The following TTC28 variants were observed in gnomAD, a reference collection of about 807,000 sequenced individuals.
TTC28 encodes the protein tetratricopeptide repeat protein 28.
In TTC28, 61 loss-of-function variants were observed where a neutral mutation model predicts 198.0. The observed-to-expected ratio is 0.31, with a 90% CI of 0.25 to 0.38. The LOEUF is 0.38. TTC28 is among the 10% of genes least tolerant of loss of function. The probability of loss-of-function intolerance (pLI) is 1.00; values close to 1 mark genes in which losing one functional copy is unlikely to be tolerated. For synonymous variants in TTC28, 1,171 were observed against 1,297.8 expected (o/e 0.90, Z 2.10); for missense variants, 2,678 against 3,164.0 (o/e 0.85, Z 3.69).
intron 5 of TTC28, among the ~76,000 whole-genome samples, chr22:28,172,063 T>G (rs1446090529): frequency 6.6e-6 from 1 of 152,164 alleles, no homozygotes; most frequent in Non-Finnish European, 1.5e-5. Context: ...CCTTATTCTT[T>G]GTGGGTTCTT....
chr22:28,258,902 A>AGTGTGT (rs34572491), intron 5 of TTC28, among the ~76,000 whole-genome samples: 2,225 of 147,810 alleles, frequency 0.015, 31 homozygotes, highest in African/African-American at 0.04. Flanking sequence ...TTGGTTAAAG[A>AGTGTGT]GTGTGTGTGT....
chr22:28,051,811 T>C lies in TTC28; in HGVS notation c.3933-21445A>G, dbSNP rs539571989. ...AGTAAACTCCATGGCTTCGAAGCCA[T>C]GATTATACCCTACCACCCATCGTCC... On this transcript the variant is annotated intron_variant, in intron 12 of 22. Transcript: ENST00000397906. Among the ~76,000 whole-genome samples the C allele has an allele frequency of 3.3e-5, 5 of 152,230 alleles. No individual in the cohort carries two copies. In the East Asian group the frequency reaches 9.7e-4, roughly 29 times the overall value.
intron 2 of TTC28, among the ~76,000 whole-genome samples, chr22:28,424,563 T>C (rs2047317243): frequency 6.6e-6 from 1 of 152,220 alleles, no homozygotes; most frequent in South Asian, 2.1e-4. Flanking sequence ...AGTATAAATA[T>C]AATAACAGCT....
intron 2 of TTC28, among the ~76,000 whole-genome samples, chr22:28,320,704 T>C (rs1478865201): frequency 6.6e-6 from 1 of 152,200 alleles, no homozygotes; most frequent in Non-Finnish European, 1.5e-5. Flanking sequence ...TGATTCTAAA[T>C]GTACCAAAAG....
chr22:28,422,735 G>A (rs199959406), intron 2 of TTC28, among the ~76,000 whole-genome samples: 19 of 152,006 alleles, frequency 1.2e-4, no homozygotes, highest in African/African-American at 2.4e-4. Flanking sequence ...GTGAGCCACC[G>A]CACCCAGCCA....
At chr22:28,138,773 T>G (rs897700061) in intron 6 of TTC28, among the ~76,000 whole-genome samples, 1 of 152,112 alleles carries the variant, frequency 6.6e-6, no homozygotes, top group Non-Finnish European at 1.5e-5. Flanking sequence ...CAGCGTTTCC[T>G]CTCCAAAACA....
chr22:28,533,136 A>G (rs2145905376), intron 2 of TTC28, among the ~76,000 whole-genome samples: 1 of 152,352 alleles, frequency 6.6e-6, no homozygotes, highest in East Asian at 1.9e-4. Flanking sequence ...TGTAGATGAC[A>G]TGGTTGTATA....
intron 1 of TTC28, among the ~76,000 whole-genome samples, chr22:28,652,198 A>G (rs968164688): frequency 6.6e-6 from 1 of 152,224 alleles, no homozygotes; most frequent in African/African-American, 2.4e-5. Flanking sequence ...GTATCTATAC[A>G]TATTTTAAAA....
intron 5 of TTC28, among the ~76,000 whole-genome samples, chr22:28,242,171 C>T (rs1033500554): frequency 6.6e-6 from 1 of 152,220 alleles, no homozygotes; most frequent in East Asian, 1.9e-4. Context: ...CGCCACAGCA[C>T]ACCAATTACC....
intron 2 of TTC28, among the ~76,000 whole-genome samples, chr22:28,335,145 G>C (rs1049568053): frequency 1.3e-5 from 2 of 152,130 alleles, no homozygotes; most frequent in African/African-American, 2.4e-5. Flanking sequence ...TGTCAGGTTT[G>C]CCAAAGATGA....
intron 2 of TTC28, among the ~76,000 whole-genome samples, chr22:28,375,046 G>A (rs1338600781): frequency 6.6e-6 from 1 of 151,650 alleles, no homozygotes; most frequent in Non-Finnish European, 1.5e-5. Flanking sequence ...TATGATCCTG[G>A]CACTGCACTC....
intron 12 of TTC28, among the ~76,000 whole-genome samples, chr22:28,032,332 G>A (rs527963655): frequency 1.5e-5 from 2 of 137,732 alleles, no homozygotes; most frequent in South Asian, 4.7e-4. Context: ...CTCTTTTATT[G>A]GTTCTGTTTC....
chr22:28,080,227 T>C (rs1248210495), intron 12 of TTC28, among the ~76,000 whole-genome samples: 4 of 152,200 alleles, frequency 2.6e-5, no homozygotes, highest in South Asian at 2.1e-4. Flanking sequence ...GATTGTTGCA[T>C]TGTACACTAA....
At chr22:28,595,021 T>C (rs1373101948) in intron 2 of TTC28, among the ~76,000 whole-genome samples, 3 of 152,222 alleles carry the variant, frequency 2.0e-5, no homozygotes, top group Non-Finnish European at 4.4e-5. Context: ...AAAAAGTCCA[T>C]GTTGTAGGCC....
At chr22:28,087,172 T>A (rs1941639274) in intron 12 of TTC28, among the ~76,000 whole-genome samples, 1 of 152,142 alleles carries the variant, frequency 6.6e-6, no homozygotes, top group Admixed American at 6.6e-5. Flanking sequence ...GAGGCCAGCA[T>A]CATCCTGATA....
chr22:28,221,042 C>G (rs1414612216), intron 5 of TTC28, among the ~76,000 whole-genome samples: 3 of 152,240 alleles, frequency 2.0e-5, no homozygotes, highest in Non-Finnish European at 4.4e-5. Context: ...TTGTATACAA[C>G]TTTAAGAATT....
intron 5 of TTC28, among the ~76,000 whole-genome samples, chr22:28,271,293 C>T (rs532542380): frequency 7.2e-4 from 109 of 152,154 alleles, no homozygotes; most frequent in African/African-American, 2.6e-3. Context: ...ATTCCACAAT[C>T]GTATATACTG....
intron 14 of TTC28, among the ~76,000 whole-genome samples, chr22:28,011,671 T>C (rs1938172438): frequency 6.6e-6 from 1 of 152,048 alleles, no homozygotes; most frequent in Non-Finnish European, 1.5e-5. Context: ...GGGCTGATTG[T>C]CTCAGGTACC....
At chr22:28,678,954 T>G (rs1428130079) in intron 1 of TTC28, among the ~76,000 whole-genome samples, 1 of 152,152 alleles carries the variant, frequency 6.6e-6, no homozygotes, top group Non-Finnish European at 1.5e-5. Context: ...TCCCAATGAT[T>G]CCTACGCTCT....
Sources: allele counts gnomAD v4.1 joint callset (sites outside exome capture counted in the v4.1 genomes callset), GRCh38; gene constraint gnomAD v4.1.1; transcripts MANE v1.5; gene names NCBI Gene and HGNC (gene_info 2026-07-23, HGNC 2026-07-21).